Variants in IL7 observed in about 807,000 individuals in gnomAD.
The protein encoded by IL7 is interleukin 7.
A neutral mutation model predicts 21.6 loss-of-function variants in IL7; 3 were observed. The ratio of observed to expected loss-of-function variants is 0.14; its 90% confidence interval spans 0.06 to 0.36. The LOEUF is 0.36. Among genes scored for constraint, IL7 ranks in the 10% least tolerant of loss-of-function variants. IL7 has a pLI of 1.00. For synonymous variants in IL7, 62 were observed against 68.1 expected (o/e 0.91, Z 0.44); for missense variants, 175 against 200.2 (o/e 0.87, Z 0.76).
At chr8:78,759,250 T>G (rs1046069278) in intron 2 of IL7, among the ~76,000 whole-genome samples, 2 of 151,476 alleles carry the variant, frequency 1.3e-5, no homozygotes, top group Non-Finnish European at 2.9e-5. Flanking sequence ...AAACTCACAT[T>G]TTATTTAGAT....
At chr8:78,731,086 A>G (rs1393699552), downstream of IL7, among the ~76,000 whole-genome samples, 1 of 152,026 alleles carries the variant, frequency 6.6e-6, no homozygotes, top group Non-Finnish European at 1.5e-5. Context: ...AGAAATATTT[A>G]TATGGCGTGG....
At chr8:78,781,002 A>G (rs930301444) in intron 2 of IL7, among the ~76,000 whole-genome samples, 23 of 151,984 alleles carry the variant, frequency 1.5e-4, no homozygotes, top group African/African-American at 5.6e-4. Context: ...ATCTTTTTTG[A>G]TCTTTATTGG....
intron 3 of IL7, among the ~76,000 whole-genome samples, chr8:78,697,137 GTTTC>G (rs1810446771): frequency 6.6e-6 from 1 of 152,100 alleles, no homozygotes; most frequent in Admixed American, 6.5e-5. Context: ...AATGTGAGCT[GTTTC>G]TTTCCAATTA....
intron 3 of IL7, among the ~76,000 whole-genome samples, chr8:78,686,961 T>C (rs1810000204): frequency 6.6e-6 from 1 of 152,170 alleles, no homozygotes; most frequent in South Asian, 2.1e-4. Flanking sequence ...CATATAATTA[T>C]GTTGCCTGGT....
chr8:78,688,156 T>C (rs1277161190), intron 3 of IL7, among the ~76,000 whole-genome samples: 1 of 151,772 alleles, frequency 6.6e-6, no homozygotes, highest in Non-Finnish European at 1.5e-5. Flanking sequence ...CTTTAACTGA[T>C]CCTGGGCCTC....
At chr8:78,764,530 C>G in intron 2 of IL7, among the ~76,000 whole-genome samples, 1 of 151,684 alleles carries the variant, frequency 6.6e-6, no homozygotes, top group East Asian at 1.9e-4. Context: ...TTCTATGTAC[C>G]ATCAATGAAC....
chr8:78,769,140 C>T (rs1812864577), intron 2 of IL7, among the ~76,000 whole-genome samples: 2 of 151,732 alleles, frequency 1.3e-5, no homozygotes, highest in African/African-American at 4.8e-5. Flanking sequence ...GGGATGCCCT[C>T]TCTCACCACT....
chr8:78,752,220 C>T (rs916730264), intron 2 of IL7, among the ~76,000 whole-genome samples: 1 of 152,188 alleles, frequency 6.6e-6, no homozygotes, highest in Non-Finnish European at 1.5e-5. Context: ...ATTGTGAATA[C>T]TGCTGCAATA....
rs138923425 is a variant in IL7, at chr8:78,697,867, A to G, written n.215-11920T>C. Among the ~76,000 whole-genome samples, 1,001 of 152,000 alleles carry G rather than the reference A, an allele frequency of 6.6e-3. 14 individuals are homozygous for G. The highest frequency in any genetic ancestry group is 0.022 in the African/African-American group (909 of 41,432). On this transcript the variant is annotated intron_variant and non_coding_transcript_variant, in intron 3 of 4. Transcript: ENST00000523959. The stretch of plus-strand genomic sequence containing the variant: ...CTAATTTTTTGTATTTTTAATAGAG[A>G]TGGGGTTTCACCAAGTTAGCCAGGA...
chr8:78,721,995 T>TA (rs1811250672), intron 3 of IL7, among the ~76,000 whole-genome samples: 1 of 151,990 alleles, frequency 6.6e-6, no homozygotes, highest in Non-Finnish European at 1.5e-5. Flanking sequence ...CAAATAACGT[T>TA]TGTATATAAA....
downstream of IL7, among the ~76,000 whole-genome samples, chr8:78,729,315 A>T (rs1297095484): frequency 2.6e-5 from 4 of 152,024 alleles, no homozygotes; most frequent in Non-Finnish European, 5.9e-5. Context: ...CAGGGCCAGA[A>T]CTGGCACACT....
intron 3 of IL7, among the ~76,000 whole-genome samples, 162 bp downstream of exon 3, chr8:78,739,840 C>G (rs1455805020): frequency 6.6e-6 from 1 of 151,742 alleles, no homozygotes; most frequent in Non-Finnish European, 1.5e-5. Flanking sequence ...ATTTGTAAAA[C>G]AAAAATATAA....
chr8:78,751,460 T>C (rs1254619943), intron 2 of IL7, among the ~76,000 whole-genome samples: 1 of 152,134 alleles, frequency 6.6e-6, no homozygotes, highest in Non-Finnish European at 1.5e-5. Context: ...ATTGAGAGAA[T>C]TTGTTACAAG....
At chr8:78,783,684 T>G (rs1446063374) in intron 2 of IL7, among the ~76,000 whole-genome samples, 2 of 152,222 alleles carry the variant, frequency 1.3e-5, no homozygotes, top group Non-Finnish European at 2.9e-5. Flanking sequence ...ACTTTATAAC[T>G]ATTTACTTGA....
At chr8:78,680,589 T>G (rs993048947) in intron 4 of IL7, among the ~76,000 whole-genome samples, 2 of 152,250 alleles carry the variant, frequency 1.3e-5, no homozygotes, top group African/African-American at 4.8e-5. Flanking sequence ...TCCTACAAAA[T>G]CATAAGCAGA....
intron 2 of IL7, among the ~76,000 whole-genome samples, chr8:78,786,581 T>C (rs1813516555): frequency 6.6e-6 from 1 of 152,162 alleles, no homozygotes; most frequent in East Asian, 1.9e-4. Context: ...TTCTAAGACA[T>C]TACCACAGAT....
intron 1 of IL7, among the ~76,000 whole-genome samples, chr8:78,801,129 C>A (rs1814042587): frequency 6.6e-6 from 1 of 152,174 alleles, no homozygotes; most frequent in Middle Eastern, 3.2e-3. Context: ...AGAGTGTTTT[C>A]TGTTGCCATT....
chr8:78,710,124 C>T (rs1810907091), intron 3 of IL7, among the ~76,000 whole-genome samples: 1 of 151,980 alleles, frequency 6.6e-6, no homozygotes, highest in African/African-American at 2.4e-5. Context: ...ATTTTGAAGG[C>T]CTGTGAAAGT....
intron 2 of IL7, among the ~76,000 whole-genome samples, chr8:78,745,175 A>G (rs557820485): frequency 6.6e-6 from 1 of 152,350 alleles, no homozygotes; most frequent in Admixed American, 6.5e-5. Flanking sequence ...TTGTAGAATT[A>G]TATCTTCTTT....
Sources: gnomAD v4.1 joint callset for allele counts (sites outside exome capture counted in the v4.1 genomes callset) on GRCh38, gnomAD v4.1.1 for gene constraint, MANE v1.5 for transcripts, NCBI Gene and HGNC (gene_info 2026-07-23, HGNC 2026-07-21) for gene names.